The following ANO10 variants were observed in gnomAD, a reference collection of about 807,000 sequenced individuals.
ANO10 encodes the protein anoctamin 10.
ANO10 carries 77 observed loss-of-function variants against 74.7 expected under a neutral mutation model. That is an observed-to-expected ratio of 1.03 (90% confidence interval 0.86 to 1.25). ANO10 has a LOEUF of 1.25. ANO10 is among the 50% of genes most tolerant of loss of function. ANO10 has a pLI of 0.00. For synonymous variants in ANO10, 279 were observed against 284.9 expected (o/e 0.98, Z 0.21); for missense variants, 721 against 778.1 (o/e 0.93, Z 0.87).
intron 10 of ANO10, 91 bp from the exon 11 acceptor site, chr3:43,549,939 T>C: frequency 4.2e-6 from 6 of 1,438,530 alleles, no homozygotes; most frequent in Non-Finnish European, 5.8e-6. Context: ...TCAAGGAAAA[T>C]GTCTTACCCT....
intron 1 of ANO10, among the ~76,000 whole-genome samples, chr3:43,644,370 A>C (rs1200854393): frequency 1.3e-5 from 2 of 152,184 alleles, no homozygotes; most frequent in East Asian, 3.9e-4. Context: ...CAGCACACAG[A>C]GACAAAGAAG....
intron 1 of ANO10, among the ~76,000 whole-genome samples, chr3:43,673,838 G>A (rs2084089149): frequency 6.6e-6 from 1 of 152,090 alleles, no homozygotes; most frequent in African/African-American, 2.4e-5. Context: ...TTGAATGGTA[G>A]TTCCTCTGGG....
chr3:43,539,763 A>C (rs2078873655), intron 11 of ANO10, among the ~76,000 whole-genome samples: 1 of 152,256 alleles, frequency 6.6e-6, no homozygotes, highest in African/African-American at 2.4e-5. Flanking sequence ...AGACTTTGAA[A>C]TTATGGCTTA....
intron 1 of ANO10, among the ~76,000 whole-genome samples, chr3:43,679,260 A>G (rs1303463924): frequency 6.6e-6 from 1 of 152,170 alleles, no homozygotes; most frequent in Non-Finnish European, 1.5e-5. Context: ...CACTTTTCCA[A>G]TGGTCTTAGC....
At chr3:43,497,467 T>C (rs2076957949) in intron 11 of ANO10, among the ~76,000 whole-genome samples, 1 of 152,202 alleles carries the variant, frequency 6.6e-6, no homozygotes, top group African/African-American at 2.4e-5. Flanking sequence ...GCACACACTT[T>C]CTGCTCTGTT....
At chr3:43,448,271 C>T (rs1335373426) in intron 11 of ANO10, among the ~76,000 whole-genome samples, 1 of 152,200 alleles carries the variant, frequency 6.6e-6, no homozygotes. Flanking sequence ...TCCACCATTA[C>T]AGTATCATAC....
intron 1 of ANO10, among the ~76,000 whole-genome samples, chr3:43,664,292 A>G: frequency 6.6e-6 from 1 of 152,152 alleles, no homozygotes; most frequent in East Asian, 1.9e-4. Flanking sequence ...AAGATTCCCT[A>G]TTTAATAAGT....
At chr3:43,608,648 C>T (rs1158979923) in intron 1 of ANO10, among the ~76,000 whole-genome samples, 3 of 152,104 alleles carry the variant, frequency 2.0e-5, no homozygotes, top group Non-Finnish European at 4.4e-5. Flanking sequence ...GCGGTGTGAT[C>T]GTGGCTCACT....
chr3:43,414,004 C>T (rs2092702409), intron 12 of ANO10, among the ~76,000 whole-genome samples: 2 of 152,042 alleles, frequency 1.3e-5, no homozygotes, highest in South Asian at 4.1e-4. Flanking sequence ...GCACAGACCA[C>T]AAGGACCGAG....
intron 7 of ANO10, among the ~76,000 whole-genome samples, chr3:43,566,071 G>A (rs1215387928): frequency 6.6e-6 from 1 of 152,214 alleles, no homozygotes; most frequent in Non-Finnish European, 1.5e-5. Flanking sequence ...AGAAAGGGGT[G>A]ACGGACGGCA....
intron 4 of ANO10, among the ~76,000 whole-genome samples, chr3:43,594,682 C>T (rs7628620): frequency 0.018 from 2,788 of 152,202 alleles, 93 homozygotes; most frequent in African/African-American, 0.064. Context: ...AATTGACACC[C>T]TAACATCACA....
intron 1 of ANO10, chr3:43,691,073 C>G (rs765331652): frequency 1.3e-6 from 2 of 1,515,334 alleles, no homozygotes; most frequent in African/African-American, 2.9e-5. Flanking sequence ...TCGTGTGTCT[C>G]CGGCGCGCAC....
intron 11 of ANO10, among the ~76,000 whole-genome samples, chr3:43,447,083 C>T (rs1355809281): frequency 1.3e-5 from 2 of 152,180 alleles, no homozygotes; most frequent in Non-Finnish European, 2.9e-5. Flanking sequence ...AGTACCTAGA[C>T]AGCACCCATA....
chr3:43,481,193 T>C (rs139351043), intron 11 of ANO10, among the ~76,000 whole-genome samples: 35 of 152,146 alleles, frequency 2.3e-4, no homozygotes, highest in African/African-American at 8.2e-4. Flanking sequence ...CTCTAGGAAA[T>C]TGGGAAAGGG....
intron 11 of ANO10, among the ~76,000 whole-genome samples, chr3:43,507,404 C>G (rs2077335707): frequency 6.6e-6 from 1 of 152,092 alleles, no homozygotes; most frequent in South Asian, 2.1e-4. Context: ...GGGCACAATC[C>G]TCACCCAGGG....
chr3:43,677,445 G>T (rs114375655), intron 1 of ANO10, among the ~76,000 whole-genome samples: 3,215 of 152,288 alleles, frequency 0.021, 55 homozygotes, highest in South Asian at 0.092. Flanking sequence ...TGAAATAGTG[G>T]CATTACACAT....
At chr3:43,475,703 A>G (rs1575984303) in intron 11 of ANO10, among the ~76,000 whole-genome samples, 1 of 152,206 alleles carries the variant, frequency 6.6e-6, no homozygotes, top group African/African-American at 2.4e-5. Context: ...GGTTCAGGAC[A>G]GTCTCCTGCA....
intron 11 of ANO10, among the ~76,000 whole-genome samples, chr3:43,501,577 G>GAAAGC (rs2077101797): frequency 6.6e-6 from 1 of 152,146 alleles, no homozygotes; most frequent in Non-Finnish European, 1.5e-5. Flanking sequence ...AGAGGCAGAG[G>GAAAGC]AAAGCAAAGG....
At chr3:43,691,512 A>G (rs1158743980) in intron 1 of ANO10, 2 of 152,728 alleles carry the variant, frequency 1.3e-5, no homozygotes, top group African/African-American at 4.8e-5. Flanking sequence ...GTCTACAGGT[A>G]CTACCTGTGC....
Sources: gnomAD v4.1 joint callset for allele counts (sites outside exome capture counted in the v4.1 genomes callset) on GRCh38, gnomAD v4.1.1 for gene constraint, MANE v1.5 for transcripts, NCBI Gene and HGNC (gene_info 2026-07-23, HGNC 2026-07-21) for gene names.